ZFAT: variants seen among roughly 807,000 people sequenced by gnomAD.
The protein encoded by ZFAT is zinc finger protein ZFAT.
Under a neutral mutation model 117.7 loss-of-function variants are expected in ZFAT, and 64 were observed. The observed-to-expected ratio is 0.54, with a 90% CI of 0.44 to 0.67. ZFAT has a LOEUF of 0.67. ZFAT is among the 30% of genes least tolerant of loss of function. ZFAT has a pLI of 0.00. For missense variants in ZFAT, 1,433 were observed against 1,584.5 expected (o/e 0.90, Z 1.62); for synonymous variants, 679 against 615.0 (o/e 1.10, Z -1.54).
chr8:134,708,794 A>T (rs929884712), intron 1 of ZFAT, among the ~76,000 whole-genome samples: 1 of 152,102 alleles, frequency 6.6e-6, no homozygotes, highest in Non-Finnish European at 1.5e-5. Context: ...CTCTACTAAA[A>T]GTACAAAATT....
the ZFAT span, among the ~76,000 whole-genome samples, chr8:134,812,909 G>T: frequency 6.6e-6 from 1 of 152,154 alleles, no homozygotes; most frequent in Non-Finnish European, 1.5e-5. Context: ...TTGTAAATGA[G>T]AAATGAGAGA....
chr8:134,535,696 A>C (rs1821784639), intron 11 of ZFAT, among the ~76,000 whole-genome samples: 1 of 151,986 alleles, frequency 6.6e-6, no homozygotes, highest in South Asian at 2.1e-4. Context: ...TTTACTAAAC[A>C]AAAGGACCTG....
chr8:134,501,275 C>T (rs1472533137), intron 15 of ZFAT, among the ~76,000 whole-genome samples: 7 of 151,994 alleles, frequency 4.6e-5, no homozygotes, highest in African/African-American at 1.2e-4. Flanking sequence ...CCAATTTGCC[C>T]GCCTACAGAG....
chr8:134,805,632 T>C, the ZFAT span, among the ~76,000 whole-genome samples: 1 of 152,220 alleles, frequency 6.6e-6, no homozygotes, highest in Non-Finnish European at 1.5e-5. Flanking sequence ...AAGTGAAATA[T>C]AAGTAAATCT....
At chr8:134,607,961 T>A (rs927824042) in intron 5 of ZFAT, among the ~76,000 whole-genome samples, 1 of 152,216 alleles carries the variant, frequency 6.6e-6, no homozygotes, top group Non-Finnish European at 1.5e-5. Context: ...CAATTTCAAC[T>A]CTAGCAATGG....
At chr8:134,736,500 G>A in the ZFAT span, among the ~76,000 whole-genome samples, 1 of 152,172 alleles carries the variant, frequency 6.6e-6, no homozygotes, top group African/African-American at 2.4e-5. Context: ...TTATTTGATA[G>A]TGATGGCTTC....
intron 3 of ZFAT, among the ~76,000 whole-genome samples, chr8:134,620,185 T>G (rs186880228): frequency 6.6e-6 from 1 of 152,238 alleles, no homozygotes; most frequent in African/African-American, 2.4e-5. Flanking sequence ...CACCACAGCA[T>G]GCAAACACTG....
chr8:134,789,447 G>C, the ZFAT span, among the ~76,000 whole-genome samples: 1 of 152,154 alleles, frequency 6.6e-6, no homozygotes, highest in Non-Finnish European at 1.5e-5. Flanking sequence ...GCTTCTGCCT[G>C]AAGAACTCTC....
At chr8:134,625,554 A>G (rs539028934) in intron 3 of ZFAT, among the ~76,000 whole-genome samples, 1 of 152,150 alleles carries the variant, frequency 6.6e-6, no homozygotes, top group East Asian at 1.9e-4. Flanking sequence ...TTGTCTATTT[A>G]CATCACTGTC....
chr8:134,667,785 T>C (rs1832310320), intron 1 of ZFAT, among the ~76,000 whole-genome samples: 1 of 151,938 alleles, frequency 6.6e-6, no homozygotes, highest in African/African-American at 2.4e-5. Context: ...TGCAGCCCAC[T>C]GAGTGTGAGC....
Position 134,601,519 on chromosome 8 carries a change from G to T in ZFAT, c.2200C>A (p.Arg734=). 1 of 1,614,044 alleles carries T rather than the reference G, an allele frequency of 6.2e-7. No individual in the cohort carries two copies. The highest frequency in any genetic ancestry group is 8.5e-7 in the Non-Finnish European group (1 of 1,179,950). Residue 734 remains arginine (R), a synonymous_variant, in exon 6 of 16, where the codon CGG becomes AGG. Transcript: ENST00000377838. The part of the protein sequence containing the change: ...KKQMNTSLCE[R]IRKVYGDLEC... ...AGGTCTCCATAAACCTTCCGGATCC[G>T]CTCACACAAGCTGGTGTTCATTTGC...
the ZFAT span, among the ~76,000 whole-genome samples, chr8:134,801,726 G>A: frequency 2.5e-3 from 387 of 151,998 alleles, 1 homozygote; most frequent in South Asian, 0.011. Context: ...TTTTCTCTGG[G>A]AGAAAAAATG....
At chr8:134,761,233 T>C in the ZFAT span, among the ~76,000 whole-genome samples, 1 of 152,032 alleles carries the variant, frequency 6.6e-6, no homozygotes, top group Non-Finnish European at 1.5e-5. Flanking sequence ...GCACTGAGGA[T>C]ACAACTATGA....
chr8:134,565,408 C>G lies in ZFAT; in HGVS notation c.2901G>C (p.Lys967Asn). ...LLHTADGKQF[K>N]CTVCDYTAAQ... ...CCGCTGTGTAGTCACACACCGTGCA[C>G]TTAAACTGCTTCCCTGGAAAGAAGC... is the stretch of plus-strand genomic sequence containing the variant. The change falls in exon 11 of 16, where the codon AAG becomes AAC. Residue 967 changes from lysine (K) to asparagine (N), a missense_variant. Coordinates refer to ENST00000377838, the MANE Select transcript of ZFAT (RefSeq NM_020863.4). The G allele has an allele frequency of 6.2e-7, 1 of 1,613,402 alleles. No homozygotes were observed. Among genetic ancestry groups the G allele is most frequent in the Non-Finnish European group, 8.5e-7 (1 of 1,179,738 alleles).
intron 11 of ZFAT, among the ~76,000 whole-genome samples, chr8:134,546,418 A>G (rs958460796): frequency 6.6e-5 from 10 of 152,160 alleles, no homozygotes; most frequent in Non-Finnish European, 1.2e-4. Context: ...GTGGCCATCA[A>G]TCCCCTAAAA....
chr8:134,549,267 C>A (rs1822946267), intron 11 of ZFAT, among the ~76,000 whole-genome samples: 1 of 152,006 alleles, frequency 6.6e-6, no homozygotes, highest in South Asian at 2.1e-4. Context: ...TGGTGAAACC[C>A]CGTTTCTACT....
intron 7 of ZFAT, chr8:134,598,912 T>A (rs1467479974): frequency 2.0e-5 from 3 of 152,188 alleles, no homozygotes; most frequent in Non-Finnish European, 4.4e-5. Context: ...GCTAAACACG[T>A]GGTAAATAGG....
intron 1 of ZFAT, among the ~76,000 whole-genome samples, chr8:134,666,833 A>G (rs1054985239): frequency 4.6e-5 from 7 of 152,234 alleles, no homozygotes; most frequent in African/African-American, 1.7e-4. Context: ...AGAAGTGGGA[A>G]AGTATTCAAA....
At chr8:134,526,727 G>A (rs1821047734) in intron 12 of ZFAT, among the ~76,000 whole-genome samples, 2 of 152,222 alleles carry the variant, frequency 1.3e-5, no homozygotes, top group Admixed American at 6.5e-5. Flanking sequence ...GGGTTGGGCA[G>A]TCACAAGACC....
Sources: gnomAD v4.1 joint callset for allele counts (sites outside exome capture counted in the v4.1 genomes callset) on GRCh38, gnomAD v4.1.1 for gene constraint, MANE v1.5 for transcripts, NCBI Gene and HGNC (gene_info 2026-07-23, HGNC 2026-07-21) for gene names.